Variants in GRM3 observed in about 807,000 individuals in gnomAD.
GRM3 encodes metabotropic glutamate receptor 3.
A neutral mutation model predicts 70.5 loss-of-function variants in GRM3; 26 were observed. The observed-to-expected ratio is 0.37, with a 90% CI of 0.27 to 0.51. The LOEUF is 0.51. Ranked by LOEUF, GRM3 falls within the 20% of genes least tolerant of loss-of-function variation. The probability of loss-of-function intolerance (pLI) is 0.93; values close to 1 mark genes in which losing one functional copy is unlikely to be tolerated. For missense variants in GRM3, 859 were observed against 1,123.8 expected, an observed-to-expected ratio of 0.76 and a Z score of 3.37; for synonymous variants, 443 against 434.9, an observed-to-expected ratio of 1.02 and a Z score of -0.23.
intron 3 of GRM3, among the ~76,000 whole-genome samples, chr7:86,833,387 A>C: frequency 6.6e-6 from 1 of 150,460 alleles, no homozygotes; most frequent in East Asian, 1.9e-4. Context: ...CCTAAAACTT[A>C]AAGTATGATA....
At chr7:86,665,717 GA>G (rs2115868607) in intron 1 of GRM3, among the ~76,000 whole-genome samples, 1 of 152,086 alleles carries the variant, frequency 6.6e-6, no homozygotes, top group South Asian at 2.1e-4. Context: ...CTAAAAGTAA[GA>G]AAATGAGAAT....
In GRM3 at chr7:86,751,348, C is replaced by G. The variant is rs184687073; in HGVS notation, c.-140-13658C>G. Among the ~76,000 whole-genome samples, 496 of 152,174 alleles carry G rather than the reference C, an allele frequency of 3.3e-3. 4 individuals carry two copies. The highest frequency in any genetic ancestry group is 0.011 in the African/African-American group (465 of 41,530). On this transcript the variant is annotated intron_variant, in intron 1 of 5. Coordinates refer to ENST00000361669, the MANE Select transcript of GRM3 (RefSeq NM_000840.3). ...TAAATTTGAGTTATGTTTTGTTTAGCTGTTAATTGTTATCAGAGTCCCAAC... is the reference window on the plus strand; with the variant it reads ...TAAATTTGAGTTATGTTTTGTTTAGGTGTTAATTGTTATCAGAGTCCCAAC...
chr7:86,656,553 T>C (rs1793751227), intron 1 of GRM3, among the ~76,000 whole-genome samples: 1 of 151,964 alleles, frequency 6.6e-6, no homozygotes, highest in African/African-American at 2.4e-5. Flanking sequence ...ACAGCTACCT[T>C]GACTGGGCTT....
intron 2 of GRM3, among the ~76,000 whole-genome samples, chr7:86,782,842 T>C (rs936362718): frequency 1.3e-5 from 2 of 152,216 alleles, no homozygotes; most frequent in Admixed American, 6.5e-5. Context: ...AGTCTTAATT[T>C]ATGTGAAGCA....
chr7:86,655,743 G>A (rs1233828980), intron 1 of GRM3, among the ~76,000 whole-genome samples: 11 of 151,980 alleles, frequency 7.2e-5, no homozygotes, highest in East Asian at 3.9e-4. Flanking sequence ...GAAGGTAGGC[G>A]AAAACAAGAT....
intron 5 of GRM3, among the ~76,000 whole-genome samples, chr7:86,851,795 G>T (rs1798759564): frequency 6.6e-6 from 1 of 152,040 alleles, no homozygotes; most frequent in Non-Finnish European, 1.5e-5. Context: ...GGCAAAGCCT[G>T]TGAGGTCGTT....
At chr7:86,703,550 G>A (rs763340304) in intron 1 of GRM3, among the ~76,000 whole-genome samples, 2 of 151,942 alleles carry the variant, frequency 1.3e-5, no homozygotes, top group African/African-American at 2.4e-5. Flanking sequence ...AAATCCATAT[G>A]GATGTGTAAA....
intron 1 of GRM3, among the ~76,000 whole-genome samples, chr7:86,713,128 A>T (rs185985200): frequency 2.0e-5 from 3 of 152,126 alleles, no homozygotes; most frequent in African/African-American, 7.2e-5. Flanking sequence ...ATATAGCCTC[A>T]TCAGCATCTA....
At chr7:86,845,847 C>T (rs1187657532) in intron 4 of GRM3, among the ~76,000 whole-genome samples, 1 of 152,248 alleles carries the variant, frequency 6.6e-6, no homozygotes, top group East Asian at 1.9e-4. Context: ...TCATTACTGT[C>T]ACTATTGGCT....
chr7:86,850,210 T>C (rs1287221348), intron 4 of GRM3, among the ~76,000 whole-genome samples, 160 bp from the exon 5 acceptor site: 1 of 152,158 alleles, frequency 6.6e-6, no homozygotes, highest in Non-Finnish European at 1.5e-5. Context: ...ACCCCAAACA[T>C]AGAAGATTCA....
intron 3 of GRM3, among the ~76,000 whole-genome samples, chr7:86,814,818 G>A (rs1047363104): frequency 3.3e-5 from 5 of 150,684 alleles, no homozygotes; most frequent in Non-Finnish European, 4.4e-5. Flanking sequence ...CACTTTCAGC[G>A]CCAGTCATTT....
chr7:86,838,714 AAATT>A (rs1485635872), intron 3 of GRM3, 121 bp from the exon 4 acceptor site: 2 of 620,960 alleles, frequency 3.2e-6, no homozygotes, highest in African/African-American at 3.8e-5. Flanking sequence ...GGTAACTGAT[AAATT>A]ATTTCAGCCT....
chr7:86,709,727 C>A (rs115989907), intron 1 of GRM3, among the ~76,000 whole-genome samples: 1,797 of 152,072 alleles, frequency 0.012, 29 homozygotes, highest in African/African-American at 0.041. Flanking sequence ...TACCAAAGTT[C>A]TATAAATTGT....
At chr7:86,776,067 C>T (rs1008898589) in intron 2 of GRM3, 3 of 152,038 alleles carry the variant, frequency 2.0e-5, no homozygotes, top group Non-Finnish European at 4.4e-5. Context: ...AGAATAGTGC[C>T]TTGTATAATC....
chr7:86,675,729 A>G (rs1392902978), intron 1 of GRM3, among the ~76,000 whole-genome samples: 2 of 152,128 alleles, frequency 1.3e-5, no homozygotes, highest in Non-Finnish European at 2.9e-5. Flanking sequence ...ACTTAAATCC[A>G]AAATAAAAAT....
chr7:86,644,660 A>T lies in GRM3; in HGVS notation c.-353A>T. 1.8e-6 allele frequency: 1 copy of T among 550,354 alleles called. No homozygotes were observed. Among genetic ancestry groups the T allele is most frequent in the Non-Finnish European group, 3.2e-6 (1 of 313,088 alleles). The allele number at this position is 550,354 out of a possible 1,614,324, so 34.1% of individuals were successfully genotyped here. A position where few individuals can be genotyped will look rare whatever the true frequency, so the allele number is the denominator to read the frequency against. On this transcript the variant is annotated 5_prime_UTR_variant, in exon 1 of 6. Coordinates refer to ENST00000361669, the MANE Select transcript of GRM3 (RefSeq NM_000840.3). ...CGTGCAGCCGGGAGGGGGCAGGGGCAGGGGGCACTGTGACAGGAAGCTGCG... is the reference window on the plus strand; with the variant it reads ...CGTGCAGCCGGGAGGGGGCAGGGGCTGGGGGCACTGTGACAGGAAGCTGCG...
chr7:86,844,111 GA>G (rs1284029887), intron 4 of GRM3, among the ~76,000 whole-genome samples: 6 of 152,140 alleles, frequency 3.9e-5, no homozygotes, highest in Non-Finnish European at 8.8e-5. Flanking sequence ...AGAGTCTTGG[GA>G]ATTGACTCTA....
At chr7:86,751,948 A>T (rs1177541946) in intron 1 of GRM3, among the ~76,000 whole-genome samples, 1 of 152,100 alleles carries the variant, frequency 6.6e-6, no homozygotes, top group Non-Finnish European at 1.5e-5. Flanking sequence ...TGTCATTTTT[A>T]AAAAATGCAC....
intron 3 of GRM3, among the ~76,000 whole-genome samples, chr7:86,827,633 C>G (rs1798261438): frequency 6.6e-6 from 1 of 152,068 alleles, no homozygotes; most frequent in Non-Finnish European, 1.5e-5. Context: ...CCTGCCCCAG[C>G]CTCCCGAGTA....
Sources: allele counts gnomAD v4.1 joint callset (sites outside exome capture counted in the v4.1 genomes callset), GRCh38; gene constraint gnomAD v4.1.1; transcripts MANE v1.5; gene names NCBI Gene and HGNC (gene_info 2026-07-23, HGNC 2026-07-21).